Variants in ZFP37 observed in about 807,000 individuals in gnomAD.
ZFP37 encodes ZFP37 zinc finger protein.
In ZFP37, 38 loss-of-function variants were observed where a neutral mutation model predicts 52.1. The observed-to-expected ratio is 0.73, with a 90% confidence interval of 0.56 to 0.96. ZFP37 has a LOEUF of 0.96. Ranked by LOEUF, ZFP37 falls within the 40% of genes least tolerant of loss-of-function variation. ZFP37 has a pLI of 0.00. For synonymous variants in ZFP37, 253 were observed against 259.5 expected, an observed-to-expected ratio of 0.98 and a Z score of 0.24; for missense variants, 695 against 741.4, an observed-to-expected ratio of 0.94 and a Z score of 0.73.
At chr9:113,049,225 T>G in intron 3 of ZFP37, 137 bp downstream of exon 3, 1 of 948,050 alleles carries the variant, frequency 1.1e-6, no homozygotes, top group Non-Finnish European at 1.5e-6. Context: ...AGAATCTTTG[T>G]AGTTTGAAAT....
At chr9:113,046,936 G>A (rs1276487414) in intron 3 of ZFP37, among the ~76,000 whole-genome samples, 8 of 151,982 alleles carry the variant, frequency 5.3e-5, no homozygotes, top group African/African-American at 9.7e-5. Context: ...GTGAAACCCC[G>A]TCTCTACCAA....
chr9:113,041,569 C>G lies in ZFP37; in HGVS notation c.*1156G>C, dbSNP rs1828847304. 6.6e-6 allele frequency: 1 copy of G among 152,122 alleles called. No homozygotes were observed. The highest frequency in any genetic ancestry group is 6.6e-5 in the Admixed American group (1 of 15,262). The allele number at this position is 152,122 out of a possible 1,614,324, so 9.4% of individuals were successfully genotyped here. ...ATCACAATTCATCATCACCTGCAATCACAATTCAACATCAAAAAATGGCAA... is the reference window on the plus strand; with the variant it reads ...ATCACAATTCATCATCACCTGCAATGACAATTCAACATCAAAAAATGGCAA... On this transcript the variant is annotated 3_prime_UTR_variant, in exon 4 of 4. Coordinates refer to ENST00000374227, the MANE Select transcript of ZFP37 (RefSeq NM_003408.3).
chr9:113,043,986 G>A lies in ZFP37; in HGVS notation c.632C>T (p.Ser211Leu). ...KSDAAKEHKK[S>L]FNHSLSDTRK... ...TGTATCAGATAAGCTATGGTTGAAT[G>A]ACTTCTTGTGTTCTTTAGCTGCATC... Residue 211 changes from serine (S) to leucine (L), a missense_variant, in exon 4 of 4, where the codon TCA becomes TTA. Ser to Leu is a moderately radical substitution (Grantham distance 145, BLOSUM62 -2). Transcript: ENST00000374227. The A allele has an allele frequency of 6.2e-7, 1 of 1,613,992 alleles. No individual in the cohort carries two copies. Among genetic ancestry groups the A allele is most frequent in the Non-Finnish European group, 8.5e-7 (1 of 1,179,946 alleles).
In ZFP37 at chr9:113,044,139, T is replaced by C. The variant is rs376044733; in HGVS notation, c.479A>G (p.Lys160Arg). 10 of 1,612,732 alleles carry C rather than the reference T, an allele frequency of 6.2e-6. No homozygotes were observed. The African/African-American group carries it at 8.0e-5, about 13-fold the overall frequency. Residue 160 changes from lysine to arginine, a missense_variant, in exon 4 of 4, where the codon AAA becomes AGA. Lys to Arg is a conservative substitution (Grantham distance 26, BLOSUM62 2). Coordinates refer to ENST00000374227, the MANE Select transcript of ZFP37 (RefSeq NM_003408.3). ...NGSDCGSLGK[K>R]NNLHKKHVPS... ...AACATGTTTTTTATGCAAATTATTT[T>C]TTTTCCCCAGTGAACCACAGTCACT...
In ZFP37 at chr9:113,041,761, C is replaced by T. The variant is rs1828850799; in HGVS notation, c.*964G>A. On this transcript the variant is annotated 3_prime_UTR_variant, in exon 4 of 4. Coordinates refer to ENST00000374227, the MANE Select transcript of ZFP37 (RefSeq NM_003408.3). Reference sequence around the variant, plus strand: ...TTAACTCTGTCAAAATCTGAGATCTCACATGTTGATCTCACATGTTGTGGA... The same window carrying T: ...TTAACTCTGTCAAAATCTGAGATCTTACATGTTGATCTCACATGTTGTGGA... 6.6e-6 allele frequency: 1 copy of T among 152,098 alleles called. No homozygotes were observed. The highest frequency in any genetic ancestry group is 6.5e-5 in the Admixed American group (1 of 15,268). 9.4% of individuals were successfully genotyped at this position (152,098 alleles called of 1,614,324 possible).
At chr9:113,050,008 C>T (rs1829028441) in intron 1 of ZFP37, 136 bp from the exon 2 acceptor site, 6 of 1,351,370 alleles carry the variant, frequency 4.4e-6, no homozygotes, top group African/African-American at 4.4e-5. Flanking sequence ...CTTGACTACT[C>T]ACTGTTGATC....
Position 113,044,234 on chromosome 9 carries a change from G to C in ZFP37, c.384C>G (p.Ile128Met), listed in dbSNP as rs1212301452. ...VQKDDDQLENIQKSQNKLLRE... is the reference protein window; with the variant it reads ...VQKDDDQLENMQKSQNKLLRE... ...TGAGGAGTTTGTTTTGAGATTTCTGGATATTTTCAAGCTGGTCATCATCTT... is the reference window on the plus strand; with the variant it reads ...TGAGGAGTTTGTTTTGAGATTTCTGCATATTTTCAAGCTGGTCATCATCTT... The change falls in exon 4 of 4, where the codon ATC (isoleucine) becomes ATG (methionine). Residue 128 changes from isoleucine (I) to methionine (M), a missense_variant. Ile to Met is a conservative substitution (Grantham distance 10). Coordinates refer to ENST00000374227, the MANE Select transcript of ZFP37 (RefSeq NM_003408.3). The C allele has an allele frequency of 6.4e-7, 1 of 1,572,892 alleles. No individual in the cohort carries two copies. Among genetic ancestry groups the C allele is most frequent in the Non-Finnish European group, 8.6e-7 (1 of 1,167,306 alleles).
rs751949089 is a variant in ZFP37 at position 113,044,015 on chromosome 9, T to C, written c.603A>G (p.Lys201=). The change falls in exon 4 of 4, where the codon AAA becomes AAG. Residue 201 remains lysine, a synonymous_variant. Coordinates refer to ENST00000374227, the MANE Select transcript of ZFP37 (RefSeq NM_003408.3). ...TCTTGTGTTCTTTAGCTGCATCAGA[T>C]TTCCTTTTTACACAGTTTCTTGAGT... ...PDHSRNCVKR[K]SDAAKEHKKS... 47 of 1,613,894 alleles carry C rather than the reference T, an allele frequency of 2.9e-5. No individual in the cohort carries two copies. The highest frequency in any genetic ancestry group is 5.0e-5 in the Admixed American group (3 of 59,996).
chr9:113,046,225 T>G (rs200661273), intron 3 of ZFP37, among the ~76,000 whole-genome samples: 92 of 100,394 alleles, frequency 9.2e-4, no homozygotes, highest in African/African-American at 7.1e-4. Flanking sequence ...TATATAGACA[T>G]ATATCTATAT....
intron 1 of ZFP37, among the ~76,000 whole-genome samples, chr9:113,051,748 C>T (rs1219387468): frequency 6.6e-6 from 1 of 152,178 alleles, no homozygotes; most frequent in Non-Finnish European, 1.5e-5. Context: ...AGCCACTGTG[C>T]CTGGCCAGAC....
chr9:113,040,137 A>C lies in ZFP37; in HGVS notation c.*2588T>G, dbSNP rs1015282791. 1 of 152,210 alleles carries C rather than the reference A, an allele frequency of 6.6e-6. No individual in the cohort carries two copies. Among genetic ancestry groups the C allele is most frequent in the Non-Finnish European group, 1.5e-5 (1 of 68,040 alleles). The allele number at this position is 152,210 out of a possible 1,614,324, so 9.4% of individuals were successfully genotyped here. Reference sequence around the variant, plus strand: ...AATTGTATTTAGACATCCTTTCCTCATTCATCAATGCTAACTTTTAATTCA... The same window carrying C: ...AATTGTATTTAGACATCCTTTCCTCCTTCATCAATGCTAACTTTTAATTCA... On this transcript the variant is annotated 3_prime_UTR_variant, in exon 4 of 4. Coordinates refer to ENST00000374227, the MANE Select transcript of ZFP37 (RefSeq NM_003408.3).
chr9:113,050,935 T>C (rs886530830), intron 1 of ZFP37, among the ~76,000 whole-genome samples: 3 of 151,346 alleles, frequency 2.0e-5, no homozygotes, highest in Admixed American at 6.6e-5. Context: ...AAAAGTAAGA[T>C]ATTGTAGGCA....
rs1023154819 is a variant in ZFP37, at chr9:113,042,431, T to C, written c.*294A>G. The C allele has an allele frequency of 1.2e-5, 3 of 256,918 alleles. No homozygotes were observed. Among genetic ancestry groups the C allele is most frequent in the African/African-American group, 6.8e-5 (3 of 44,404 alleles). 15.9% of individuals were successfully genotyped at this position (256,918 alleles called of 1,614,324 possible). ...TCAGCATATATAACTTGTTTCTCCATTGCTTTGAATATTCAAATAATTCAC... is the reference window on the plus strand; with the variant it reads ...TCAGCATATATAACTTGTTTCTCCACTGCTTTGAATATTCAAATAATTCAC... On this transcript the variant is annotated 3_prime_UTR_variant, in exon 4 of 4. Transcript: ENST00000374227.
rs1828895093 is a variant in ZFP37 at position 113,043,606 on chromosome 9, C to A, written c.1012G>T (p.Val338Leu). Residue 338 changes from valine to leucine, a missense_variant, in exon 4 of 4, where the codon GTA (valine) becomes TTA (leucine). This residue lies in a region of ZFP37 where 326 missense variants were observed against 400.5 expected (regional missense o/e 0.81). Transcript: ENST00000374227. Reference sequence around the variant, plus strand: ...TCTCCGGTGTGAGTTCTCTGATGTACAACAAGGTGTGACTTTTGGCTAAAG... The same window carrying A: ...TCTCCGGTGTGAGTTCTCTGATGTAAAACAAGGTGTGACTTTTGGCTAAAG... ...IAFSQKSHLV[V>L]HQRTHTGEKP... The A allele has an allele frequency of 6.2e-7, 1 of 1,613,822 alleles. No individual in the cohort carries two copies. The highest frequency in any genetic ancestry group is 8.5e-7 in the Non-Finnish European group (1 of 1,179,930).
chr9:113,045,961 A>ATAGCCACC (rs1380277037), intron 3 of ZFP37, among the ~76,000 whole-genome samples: 2 of 152,136 alleles, frequency 1.3e-5, no homozygotes, highest in African/African-American at 4.8e-5. Context: ...CAGGAAGTGA[A>ATAGCCACC]TAGCCACCTT....
chr9:113,056,416 G>A, intron 1 of ZFP37, 141 bp downstream of exon 1: 1 of 1,399,746 alleles, frequency 7.1e-7, no homozygotes. Context: ...AGATAACTCA[G>A]AACACCGACC....
Position 113,040,697 on chromosome 9 carries a change from C to G in ZFP37, c.*2028G>C, listed in dbSNP as rs1828831159. On this transcript the variant is annotated 3_prime_UTR_variant, in exon 4 of 4. Coordinates refer to ENST00000374227, the MANE Select transcript of ZFP37 (RefSeq NM_003408.3). ...TTACTGTCTAGGTGAAATATTTACT[C>G]AACAGGATTGAACATGACTAGACAA... is the stretch of plus-strand genomic sequence containing the variant. 6.6e-6 allele frequency: 1 copy of G among 152,120 alleles called. No individual in the cohort carries two copies. Among genetic ancestry groups the G allele is most frequent in the African/African-American group, 2.4e-5 (1 of 41,428 alleles). 9.4% of individuals were successfully genotyped at this position (152,120 alleles called of 1,614,324 possible). A position where few individuals can be genotyped will look rare whatever the true frequency, so the allele number is the denominator to read the frequency against.
chr9:113,043,452 C>G lies in ZFP37; in HGVS notation c.1166G>C (p.Ser389Thr). 1 of 1,613,994 alleles carries G rather than the reference C, an allele frequency of 6.2e-7. No individual in the cohort carries two copies. Among genetic ancestry groups the G allele is most frequent in the African/African-American group, 1.3e-5 (1 of 75,032 alleles). ...TCTCACATGTTGAATAAGGTTTGAG[C>G]TGTGTCTGAAGGTTTTCCCACATTC... ...CAECGKTFRH[S>T]SNLIQHVRSH... is the part of the protein sequence containing the mutation. Residue 389 changes from serine to threonine, a missense_variant, in exon 4 of 4, where the codon AGC becomes ACC. By Grantham distance (58) the Ser-to-Thr change is moderately conservative. Around this residue, in one of 2 missense-constraint regions of ZFP37, gnomAD observed 326 missense variants for 400.5 expected, o/e 0.81. Transcript: ENST00000374227.
chr9:113,041,591 G>A lies in ZFP37; in HGVS notation c.*1134C>T, dbSNP rs1828847599. On this transcript the variant is annotated 3_prime_UTR_variant, in exon 4 of 4. Coordinates refer to ENST00000374227, the MANE Select transcript of ZFP37 (RefSeq NM_003408.3). ...AATCACAATTCAACATCAAAAAATG[G>A]CAAATGTAGAAACAGTGCTGTTATA... The A allele has an allele frequency of 6.6e-6, 1 of 152,058 alleles. No individual in the cohort carries two copies. The highest frequency in any genetic ancestry group is 1.9e-4 in the East Asian group (1 of 5,198). The allele number at this position is 152,058 out of a possible 1,614,324, so 9.4% of individuals were successfully genotyped here.
Sources: gnomAD v4.1 joint callset for allele counts (sites outside exome capture counted in the v4.1 genomes callset) on GRCh38, gnomAD v4.1.1 for gene constraint, gnomAD v4.1.1 regional missense constraint, MANE v1.5 for transcripts, NCBI Gene and HGNC (gene_info 2026-07-23, HGNC 2026-07-21) for gene names.